Variants in GPR39 observed in about 807,000 individuals in gnomAD.
GPR39 encodes zinc sensing receptor.
A neutral mutation model predicts 18.4 loss-of-function variants in GPR39; 23 were observed. That is an observed-to-expected ratio of 1.25 (90% CI 0.90 to 1.77). GPR39 has a LOEUF of 1.77. Ranked by LOEUF, GPR39 falls within the 40% of genes most tolerant of loss-of-function variation. The probability of loss-of-function intolerance (pLI) is 0.00; values close to 1 mark genes in which losing one functional copy is unlikely to be tolerated. For synonymous variants in GPR39, 280 were observed against 257.9 expected, an observed-to-expected ratio of 1.09 and a Z score of -0.82; for missense variants, 647 against 602.4, an observed-to-expected ratio of 1.07 and a Z score of -0.78.
At chr2:132,447,546 A>G (rs979960467) in intron 1 of GPR39, among the ~76,000 whole-genome samples, 3 of 152,182 alleles carry the variant, frequency 2.0e-5, no homozygotes, top group African/African-American at 4.8e-5. Context: ...TCAAATTTGT[A>G]TTATAACTAT....
rs1364603772 is a variant in GPR39, at chr2:132,646,529, CCTGTTAATAAAGAG to C, written c.*931_*944del. The C allele has an allele frequency of 2.6e-6, 1 of 380,182 alleles. No individual in the cohort carries two copies. The highest frequency in any genetic ancestry group is 4.6e-6 in the Non-Finnish European group (1 of 215,222). The allele number at this position is 380,182 out of a possible 1,614,324, so 23.6% of individuals were successfully genotyped here. On this transcript the variant is annotated 3_prime_UTR_variant, in exon 2 of 2. Coordinates refer to ENST00000329321, the MANE Select transcript of GPR39 (RefSeq NM_001508.3). ...TTTGAGATGCCAATACCTGTGAATA[CCTGTTAATAAAGAG>C]CTGTTAAATAGACTTATTTACATTT...
intron 1 of GPR39, among the ~76,000 whole-genome samples, chr2:132,639,742 T>C (rs973027713): frequency 1.3e-5 from 2 of 152,132 alleles, no homozygotes; most frequent in South Asian, 2.1e-4. Context: ...GACTTTACCT[T>C]CCTTTGAGCA....
intron 1 of GPR39, among the ~76,000 whole-genome samples, chr2:132,421,490 T>C (rs1275603794): frequency 6.6e-6 from 1 of 152,198 alleles, no homozygotes; most frequent in Non-Finnish European, 1.5e-5. Context: ...AGAAACATCA[T>C]AGAAGATTCA....
At chr2:132,561,826 A>T (rs1262671253) in intron 1 of GPR39, among the ~76,000 whole-genome samples, 1 of 152,178 alleles carries the variant, frequency 6.6e-6, no homozygotes, top group East Asian at 1.9e-4. Context: ...AGGCCAGAAA[A>T]GGTCAATGTC....
intron 1 of GPR39, among the ~76,000 whole-genome samples, chr2:132,588,640 T>A (rs1680772768): frequency 1.3e-5 from 2 of 152,106 alleles, no homozygotes; most frequent in Admixed American, 1.3e-4. Flanking sequence ...CATTGGGAAG[T>A]CAGAATTGAA....
At chr2:132,449,924 A>G (rs141634075) in intron 1 of GPR39, among the ~76,000 whole-genome samples, 1 of 152,108 alleles carries the variant, frequency 6.6e-6, no homozygotes, top group East Asian at 1.9e-4. Context: ...CCCCTGGTAC[A>G]ATCTCCTACA....
At chr2:132,538,427 G>A (rs779791281) in intron 1 of GPR39, among the ~76,000 whole-genome samples, 2 of 152,174 alleles carry the variant, frequency 1.3e-5, no homozygotes, top group South Asian at 4.1e-4. Context: ...TGGAAGCTTC[G>A]TCCCAGAGAG....
chr2:132,484,744 A>T (rs1217109257), intron 1 of GPR39, among the ~76,000 whole-genome samples: 1 of 152,228 alleles, frequency 6.6e-6, no homozygotes, highest in South Asian at 2.1e-4. Context: ...ATCTTTTTAT[A>T]AGAATTCACA....
intron 1 of GPR39, among the ~76,000 whole-genome samples, chr2:132,635,538 G>A (rs1681736375): frequency 6.6e-6 from 1 of 152,126 alleles, no homozygotes; most frequent in South Asian, 2.1e-4. Flanking sequence ...GGAATAGGGA[G>A]GAAGGAAGAG....
chr2:132,472,928 C>G (rs1340682493), intron 1 of GPR39, among the ~76,000 whole-genome samples: 2 of 152,064 alleles, frequency 1.3e-5, no homozygotes, highest in Non-Finnish European at 2.9e-5. Flanking sequence ...CTCTCTAGGT[C>G]TGCCCTGAGA....
chr2:132,477,564 T>TA (rs1426328274), intron 1 of GPR39, among the ~76,000 whole-genome samples: 8 of 150,392 alleles, frequency 5.3e-5, no homozygotes, highest in East Asian at 3.9e-4. Flanking sequence ...AGACCTTGTC[T>TA]AAAAAAAAAG....
chr2:132,621,005 G>A (rs1681431457), intron 1 of GPR39, among the ~76,000 whole-genome samples: 1 of 152,122 alleles, frequency 6.6e-6, no homozygotes, highest in African/African-American at 2.4e-5. Context: ...ACCCACCTCG[G>A]CCTCCCAAAC....
intron 1 of GPR39, among the ~76,000 whole-genome samples, chr2:132,638,143 A>G (rs967200916): frequency 6.6e-6 from 1 of 152,112 alleles, no homozygotes; most frequent in Non-Finnish European, 1.5e-5. Context: ...GGGAGAAAGG[A>G]TAGGAGAAGA....
Position 132,417,372 on chromosome 2 carries a change from GCA to G in GPR39, c.334_335del (p.Thr112PhefsTer20), listed in dbSNP as rs1679924481. Reference protein sequence around the residue: ...TSSYTLSCKLHTFLFEACSYA... With the variant: ...TSSYTLSCKLXTFLFEACSYA... The stretch of plus-strand genomic sequence containing the variant: ...CCAGCTACACCCTGTCCTGCAAGCT[GCA>G]CACTTTCCTCTTCGAGGCCTGCAGC... On this transcript the variant is annotated frameshift_variant, in exon 1 of 2. Coordinates refer to ENST00000329321, the MANE Select transcript of GPR39 (RefSeq NM_001508.3). LOFTEE classifies it high-confidence loss of function. The G allele has an allele frequency of 3.7e-6, 6 of 1,614,194 alleles. No homozygotes were observed. The East Asian group carries it at 1.3e-4, about 36-fold the overall frequency.
chr2:132,575,813 T>G (rs1180470517), intron 1 of GPR39, among the ~76,000 whole-genome samples: 1 of 152,218 alleles, frequency 6.6e-6, no homozygotes, highest in Admixed American at 6.5e-5. Context: ...ATTGATATGA[T>G]GTAATCCTGA....
intron 1 of GPR39, among the ~76,000 whole-genome samples, chr2:132,526,967 A>G (rs1369926540): frequency 1.3e-5 from 2 of 151,996 alleles, no homozygotes; most frequent in Non-Finnish European, 2.9e-5. Flanking sequence ...AAGTTGTGGG[A>G]TACATGTGCA....
At chr2:132,450,154 G>A (rs796085111) in intron 1 of GPR39, among the ~76,000 whole-genome samples, 1 of 152,350 alleles carries the variant, frequency 6.6e-6, no homozygotes, top group East Asian at 1.9e-4. Flanking sequence ...TGACGTGGCA[G>A]CTTCTAGGGC....
intron 1 of GPR39, among the ~76,000 whole-genome samples, chr2:132,605,155 C>T (rs894895258): frequency 1.3e-5 from 2 of 152,174 alleles, no homozygotes; most frequent in Admixed American, 6.5e-5. Flanking sequence ...GACAGCCCGA[C>T]ACCAGACCCT....
chr2:132,436,565 A>G (rs1380329634), intron 1 of GPR39, among the ~76,000 whole-genome samples: 1 of 152,226 alleles, frequency 6.6e-6, no homozygotes, highest in Non-Finnish European at 1.5e-5. Flanking sequence ...TGGAATTTAT[A>G]TCACACTTGT....
Sources: gnomAD v4.1 joint callset for allele counts (sites outside exome capture counted in the v4.1 genomes callset) on GRCh38, gnomAD v4.1.1 for gene constraint, MANE v1.5 for transcripts, NCBI Gene and HGNC (gene_info 2026-07-23, HGNC 2026-07-21) for gene names.